Variants in RALY observed in about 807,000 individuals in gnomAD.
The protein encoded by RALY is RALY heterogeneous nuclear ribonucleoprotein.
A neutral mutation model predicts 30.7 loss-of-function variants in RALY; 15 were observed. The ratio of observed to expected loss-of-function variants is 0.49; its 90% CI spans 0.33 to 0.75. RALY has a LOEUF of 0.75. Ranked by LOEUF, RALY falls within the 30% of genes least tolerant of loss-of-function variation. RALY has a pLI of 0.02. For synonymous variants in RALY, 177 were observed against 170.8 expected (o/e 1.04, Z -0.28); for missense variants, 339 against 414.3 (o/e 0.82, Z 1.58).
In RALY at chr20:34,007,820, C is replaced by CAAA. The variant is rs10649045; in HGVS notation, c.-93+13708_-93+13710dup. Among the ~76,000 whole-genome samples the CAAA allele has an allele frequency of 5.1e-3, 514 of 101,030 alleles. 11 individuals carry two copies. Among genetic ancestry groups the CAAA allele is most frequent in the South Asian group, 7.8e-3 (21 of 2,694 alleles). 66.3% of individuals were successfully genotyped at this position (101,030 alleles called of 152,430 possible). A position where few individuals can be genotyped will look rare whatever the true frequency, so the allele number is the denominator to read the frequency against. On this transcript the variant is annotated intron_variant, in intron 1 of 9. Transcript: ENST00000246194. ...GGGCAATAAGAGCGAAACTCCGTCT[C>CAAA]AAAAAAAAAAAAAAAAAAAAAGTTC...
At chr20:34,029,639 G>A (rs913953230) in intron 1 of RALY, among the ~76,000 whole-genome samples, 3 of 152,086 alleles carry the variant, frequency 2.0e-5, no homozygotes, top group Admixed American at 6.6e-5. Flanking sequence ...TAAGTACCCC[G>A]GAGAATGGTT....
intron 2 of RALY, among the ~76,000 whole-genome samples, chr20:34,061,602 TAA>T (rs2033419293): frequency 6.6e-6 from 1 of 152,218 alleles, no homozygotes. Context: ...AAAAATAACC[TAA>T]GTCTTTTGAT....
intron 1 of RALY, chr20:34,017,752 GC>G (rs1279627475): frequency 1.3e-5 from 2 of 152,218 alleles, no homozygotes; most frequent in Non-Finnish European, 2.9e-5. Context: ...GGCTTAACAT[GC>G]TCAGCAGCCA....
chr20:34,079,214 A>G (rs142536632), intron 9 of RALY, among the ~76,000 whole-genome samples: 49 of 152,306 alleles, frequency 3.2e-4, no homozygotes, highest in African/African-American at 9.9e-4. Context: ...TTCATCTTCA[A>G]TCCCACAAGC....
chr20:34,042,567 C>T (rs890046707), intron 2 of RALY, among the ~76,000 whole-genome samples: 2 of 152,158 alleles, frequency 1.3e-5, no homozygotes, highest in African/African-American at 4.8e-5. Context: ...GTGTGTACCT[C>T]GTCAGGGCAT....
chr20:34,015,473 A>G (rs1473447564), intron 1 of RALY, among the ~76,000 whole-genome samples: 1 of 151,962 alleles, frequency 6.6e-6, no homozygotes, highest in African/African-American at 2.4e-5. Flanking sequence ...TTGGGTGGAG[A>G]TGTGAATCAG....
chr20:34,009,242 G>T (rs948848737), intron 1 of RALY, among the ~76,000 whole-genome samples: 47 of 150,708 alleles, frequency 3.1e-4, no homozygotes, highest in African/African-American at 1.1e-3. Context: ...GTTTTTTTTT[G>T]TTTTGTTTTG....
chr20:34,051,783 G>A (rs2123176466), intron 2 of RALY, among the ~76,000 whole-genome samples: 1 of 152,088 alleles, frequency 6.6e-6, no homozygotes, highest in Middle Eastern at 3.4e-3. Context: ...TGTTGTTGTT[G>A]TTTAGTAGAG....
chr20:34,025,140 A>C (rs2031970621), intron 1 of RALY, among the ~76,000 whole-genome samples: 1 of 152,172 alleles, frequency 6.6e-6, no homozygotes, highest in Non-Finnish European at 1.5e-5. Context: ...GGCTGCCTTC[A>C]GGGGAGCCCT....
intron 6 of RALY, 97 bp from the exon 7 acceptor site, chr20:34,076,604 TA>T: frequency 9.2e-7 from 1 of 1,089,856 alleles, no homozygotes. Context: ...AAACAAAAAA[TA>T]ACTGCTTTCC....
chr20:34,063,590 A>T (rs2033479847), intron 2 of RALY, among the ~76,000 whole-genome samples: 1 of 152,162 alleles, frequency 6.6e-6, no homozygotes, highest in Non-Finnish European at 1.5e-5. Flanking sequence ...CTACATATTA[A>T]ATTGTATGTT....
chr20:34,044,675 T>C (rs1360218824), intron 2 of RALY, among the ~76,000 whole-genome samples: 1 of 152,052 alleles, frequency 6.6e-6, no homozygotes, highest in Non-Finnish European at 1.5e-5. Context: ...CAAGCAAATA[T>C]CAAAAATTGA....
intron 2 of RALY, among the ~76,000 whole-genome samples, chr20:34,039,939 C>T (rs1278745764): frequency 1.3e-5 from 2 of 152,038 alleles, no homozygotes; most frequent in Non-Finnish European, 2.9e-5. Context: ...GGTGAAACCC[C>T]GTCTCTACTA....
intron 1 of RALY, among the ~76,000 whole-genome samples, chr20:34,006,669 C>A (rs1357404969): frequency 6.6e-6 from 1 of 152,000 alleles, no homozygotes; most frequent in Non-Finnish European, 1.5e-5. Flanking sequence ...TTTAGGTGCA[C>A]AAATCCTTAT....
At chr20:34,030,778 A>G (rs531897722) in intron 1 of RALY, among the ~76,000 whole-genome samples, 4 of 152,156 alleles carry the variant, frequency 2.6e-5, no homozygotes, top group Admixed American at 6.5e-5. Flanking sequence ...CTCTAGCTAT[A>G]TTATTAGTCT....
chr20:34,044,484 C>G (rs2032810255), intron 2 of RALY, among the ~76,000 whole-genome samples: 2 of 152,116 alleles, frequency 1.3e-5, no homozygotes, highest in African/African-American at 4.8e-5. Flanking sequence ...CCACACCCGG[C>G]TAATTTCGTA....
chr20:34,036,522 G>A (rs2032501985), intron 2 of RALY, among the ~76,000 whole-genome samples: 2 of 152,104 alleles, frequency 1.3e-5, no homozygotes, highest in Admixed American at 1.3e-4. Flanking sequence ...GTCTTTATCT[G>A]CTTTTGGCAT....
intron 2 of RALY, among the ~76,000 whole-genome samples, chr20:34,037,221 G>A (rs1334141543): frequency 6.6e-6 from 1 of 152,216 alleles, no homozygotes; most frequent in Admixed American, 6.5e-5. Flanking sequence ...TAGAGAGGGT[G>A]CTAGGGCTAG....
Position 34,012,287 on chromosome 20 carries a change from G to A in RALY, c.-93+18156G>A, listed in dbSNP as rs953884290. On this transcript the variant is annotated intron_variant, in intron 1 of 9. Transcript: ENST00000246194. Reference sequence around the variant, plus strand: ...GAAGGTTGCCGTGGCAGGTGGTAATGTGCTGAGCCTCTTCTTGGTGCAAAG... The same window carrying A: ...GAAGGTTGCCGTGGCAGGTGGTAATATGCTGAGCCTCTTCTTGGTGCAAAG... 1.7e-4 allele frequency among the ~76,000 whole-genome samples: 26 copies of A among 152,162 alleles called. 1 individual carries two copies. Among genetic ancestry groups the A allele is most frequent in the African/African-American group, 5.6e-4 (23 of 41,426 alleles).
Sources: gnomAD v4.1 joint callset for allele counts (sites outside exome capture counted in the v4.1 genomes callset) on GRCh38, gnomAD v4.1.1 for gene constraint, MANE v1.5 for transcripts, NCBI Gene and HGNC (gene_info 2026-07-23, HGNC 2026-07-21) for gene names.